SYT9: variants seen among roughly 807,000 people sequenced by gnomAD.
SYT9 encodes synaptotagmin 9.
Under a neutral mutation model 48.4 loss-of-function variants are expected in SYT9, and 22 were observed. The observed-to-expected ratio is 0.45, with a 90% CI of 0.32 to 0.65. SYT9 has a LOEUF of 0.65. SYT9 is among the 30% of genes least tolerant of loss of function. The pLI, the probability that SYT9 is intolerant of heterozygous loss-of-function variation, is 0.03. For missense variants in SYT9, 577 were observed against 622.0 expected (o/e 0.93, Z 0.77); for synonymous variants, 265 against 245.0 (o/e 1.08, Z -0.76).
At chr11:7,384,062 CCA>C (rs3086255) in intron 3 of SYT9, among the ~76,000 whole-genome samples, 6,289 of 149,552 alleles carry the variant, frequency 0.042, 194 homozygotes, top group African/African-American at 0.087. Context: ...AATTCACTAG[CCA>C]CACACACACA....
intron 3 of SYT9, among the ~76,000 whole-genome samples, chr11:7,395,421 A>G (rs182292320): frequency 6.6e-6 from 1 of 151,872 alleles, no homozygotes; most frequent in East Asian, 1.9e-4. Flanking sequence ...ACAAAGAGAG[A>G]ATCTGTCTAA....
At chr11:7,318,024 C>A (rs1267218827) in intron 3 of SYT9, among the ~76,000 whole-genome samples, 1 of 152,158 alleles carries the variant, frequency 6.6e-6, no homozygotes, top group African/African-American at 2.4e-5. Flanking sequence ...TTGATTAATT[C>A]ATGAAAATTT....
intron 3 of SYT9, among the ~76,000 whole-genome samples, chr11:7,321,963 G>GCT (rs965761098): frequency 1.3e-5 from 2 of 152,120 alleles, no homozygotes; most frequent in African/African-American, 4.8e-5. Flanking sequence ...CTATCTGCTG[G>GCT]CTCTTGCTGG....
rs116627859 is a variant in SYT9, at chr11:7,458,806, G to C, written c.1468-7986G>C. 8.6e-3 allele frequency among the ~76,000 whole-genome samples: 1,308 copies of C among 152,306 alleles called. 16 individuals carry two copies. The highest frequency in any genetic ancestry group is 0.03 in the African/African-American group (1,236 of 41,574). ...GATCAGAAAGGTAACAGCGGGCAGA[G>C]CTCAGGTAACTGGAACCCAGTAGAG... is the stretch of plus-strand genomic sequence containing the variant. On this transcript the variant is annotated intron_variant, in intron 6 of 6. Transcript: ENST00000318881.
At chr11:7,389,248 G>A (rs1166144311) in intron 3 of SYT9, among the ~76,000 whole-genome samples, 1 of 152,106 alleles carries the variant, frequency 6.6e-6, no homozygotes, top group Non-Finnish European at 1.5e-5. Flanking sequence ...TGAACCTGAG[G>A]ATGGTACTGG....
intron 3 of SYT9, among the ~76,000 whole-genome samples, chr11:7,329,991 C>G (rs1033994136): frequency 6.6e-6 from 1 of 152,028 alleles, no homozygotes; most frequent in Non-Finnish European, 1.5e-5. Context: ...CTATAAAAAT[C>G]TATCCTTGTT....
chr11:7,300,344 G>T (rs1236955544), intron 1 of SYT9, among the ~76,000 whole-genome samples: 1 of 152,198 alleles, frequency 6.6e-6, no homozygotes. Context: ...CTTTTCTCAT[G>T]CAGAATGTGG....
chr11:7,272,627 A>G (rs1184174716), intron 1 of SYT9, among the ~76,000 whole-genome samples: 1 of 152,184 alleles, frequency 6.6e-6, no homozygotes, highest in Admixed American at 6.5e-5. Context: ...CTTGTCCTCA[A>G]GGAGATTACC....
chr11:7,250,489 C>A (rs1379030466), upstream of SYT9, among the ~76,000 whole-genome samples: 1 of 136,604 alleles, frequency 7.3e-6, no homozygotes, highest in Non-Finnish European at 1.5e-5. Context: ...GTGTCACCTT[C>A]TCTGTTCATG....
intron 3 of SYT9, among the ~76,000 whole-genome samples, chr11:7,347,477 C>T (rs1250123834): frequency 6.6e-6 from 1 of 152,094 alleles, no homozygotes. Context: ...TCAGGCGATC[C>T]ACCCACCTCA....
At chr11:7,285,225 A>G (rs948795123) in intron 1 of SYT9, among the ~76,000 whole-genome samples, 6 of 152,212 alleles carry the variant, frequency 3.9e-5, no homozygotes, top group African/African-American at 1.2e-4. Context: ...GTTATTTATA[A>G]GGGGAAGAAG....
chr11:7,372,370 TG>T (rs1488593616), intron 3 of SYT9, among the ~76,000 whole-genome samples: 1 of 152,186 alleles, frequency 6.6e-6, no homozygotes, highest in Admixed American at 6.5e-5. Flanking sequence ...TGAAGTGCAG[TG>T]GCACAATCTC....
chr11:7,453,472 A>G (rs577072019), intron 6 of SYT9, among the ~76,000 whole-genome samples: 1 of 152,296 alleles, frequency 6.6e-6, no homozygotes, highest in East Asian at 1.9e-4. Context: ...AACACTGGGA[A>G]TAAGGTGTTG....
chr11:7,367,497 A>G (rs896680762), intron 3 of SYT9, among the ~76,000 whole-genome samples: 1 of 152,144 alleles, frequency 6.6e-6, no homozygotes, highest in Non-Finnish European at 1.5e-5. Flanking sequence ...ATTGCTTGCT[A>G]ATGTAATAGA....
intron 6 of SYT9, chr11:7,453,968 A>G (rs1848104691): frequency 2.0e-6 from 2 of 984,798 alleles, no homozygotes; most frequent in African/African-American, 1.7e-5. Context: ...CTCCTTCAGC[A>G]GGCACCCTCT....
intron 6 of SYT9, among the ~76,000 whole-genome samples, chr11:7,455,906 T>C (rs1288620289): frequency 1.3e-5 from 2 of 152,194 alleles, no homozygotes; most frequent in African/African-American, 4.8e-5. Context: ...TCCAGTCAGA[T>C]GGGGCTGATC....
intron 6 of SYT9, among the ~76,000 whole-genome samples, chr11:7,462,493 T>C (rs1564912219): frequency 6.6e-6 from 1 of 151,898 alleles, no homozygotes; most frequent in African/African-American, 2.4e-5. Flanking sequence ...AAAAAAAAAA[T>C]AGAATGTCCT....
chr11:7,314,272 A>G, intron 3 of SYT9: 2 of 458,050 alleles, frequency 4.4e-6, no homozygotes, highest in East Asian at 6.3e-5. Flanking sequence ...GTTTGTGCTG[A>G]ATGGAACCTG....
At position 7,313,420 on chromosome 11, in the gene SYT9, A is replaced by T; in HGVS notation, c.523A>T (p.Asn175Tyr). ...ARHNSIRRQL[N>Y]LSNPDFNIQQ... ...GCATAATTCAATCCGAAGACAACTC[A>T]ACTTGTCAAACCCGGACTTCAATAT... The change falls in exon 3 of 7, where the codon AAC becomes TAC. Residue 175 changes from asparagine to tyrosine, a missense_variant. By Grantham distance (143) the Asn-to-Tyr change is moderately radical. Transcript: ENST00000318881. The T allele has an allele frequency of 1.2e-6, 2 of 1,612,890 alleles. No homozygotes were observed. Among genetic ancestry groups the T allele is most frequent in the Non-Finnish European group, 1.7e-6 (2 of 1,179,596 alleles).
Sources: allele counts gnomAD v4.1 joint callset (sites outside exome capture counted in the v4.1 genomes callset), GRCh38; gene constraint gnomAD v4.1.1; transcripts MANE v1.5; gene names NCBI Gene and HGNC (gene_info 2026-07-23, HGNC 2026-07-21).